NRG2: variants seen among roughly 807,000 people sequenced by gnomAD.
NRG2 encodes the protein pro-neuregulin-2, membrane-bound isoform.
In NRG2, 27 loss-of-function variants were observed where a neutral mutation model predicts 73.9. That is an observed-to-expected ratio of 0.37 (90% CI 0.27 to 0.50). The LOEUF (loss-of-function observed/expected upper bound fraction) is 0.50. Ranked by LOEUF, NRG2 falls within the 20% of genes least tolerant of loss-of-function variation. The probability of loss-of-function intolerance (pLI) is 0.96; values close to 1 mark genes in which losing one functional copy is unlikely to be tolerated. For synonymous variants in NRG2, 532 were observed against 541.0 expected (o/e 0.98, Z 0.23); for missense variants, 1,126 against 1,210.1 (o/e 0.93, Z 1.03).
intron 5 of NRG2, among the ~76,000 whole-genome samples, chr5:139,859,478 A>G (rs1762004188): frequency 6.6e-6 from 1 of 151,996 alleles, no homozygotes; most frequent in Non-Finnish European, 1.5e-5. Context: ...TCTCTGCACA[A>G]CTCTCCAAAC....
intron 1 of NRG2, among the ~76,000 whole-genome samples, chr5:139,974,595 ATTTACCAATAG>A (rs1756235868): frequency 6.6e-6 from 1 of 151,968 alleles, no homozygotes; most frequent in Admixed American, 6.5e-5. Context: ...AAAAAATATA[ATTTACCAATAG>A]TTTTTTTTCT....
intron 1 of NRG2, among the ~76,000 whole-genome samples, chr5:139,981,182 A>T (rs1024375734): frequency 6.6e-6 from 1 of 152,208 alleles, no homozygotes; most frequent in Non-Finnish European, 1.5e-5. Context: ...TGCTGAGTGC[A>T]GAGCGATTGC....
At chr5:139,964,577 A>ACATTGT (rs1755342174) in intron 1 of NRG2, among the ~76,000 whole-genome samples, 2 of 152,190 alleles carry the variant, frequency 1.3e-5, no homozygotes, top group Non-Finnish European at 2.9e-5. Context: ...CTAGGCACAA[A>ACATTGT]CATTGTCACA....
In NRG2 at chr5:139,848,136, G is replaced by T. The variant is rs1761116277; in HGVS notation, c.2334C>A (p.Asp778Glu). Reference sequence around the variant, plus strand: ...CCCCGTCCGCGTCGTCCGCGTCGTCGTCCGACGCCGAGGCTGAGCCGCCGC... The same window carrying T: ...CCCCGTCCGCGTCGTCCGCGTCGTCTTCCGACGCCGAGGCTGAGCCGCCGC... ...GSGGGSASASDDDADDADGAL... is the reference protein window; with the variant it reads ...GSGGGSASASEDDADDADGAL... The change falls in exon 10 of 10, where the codon GAC (aspartate) becomes GAA (glutamate). Residue 778 changes from aspartate (D) to glutamate (E), a missense_variant. Physicochemically the swap from Asp to Glu is conservative, Grantham distance 45. Coordinates refer to ENST00000361474, the MANE Select transcript of NRG2 (RefSeq NM_004883.3). 1 of 1,467,358 alleles carries T rather than the reference G, an allele frequency of 6.8e-7. No individual in the cohort carries two copies. The highest frequency in any genetic ancestry group is 1.5e-5 in the African/African-American group (1 of 68,042). The allele number at this position is 1,467,358 out of a possible 1,614,324, so 90.9% of individuals were successfully genotyped here.
At chr5:139,931,171 A>G (rs1306215199) in intron 1 of NRG2, among the ~76,000 whole-genome samples, 2 of 152,250 alleles carry the variant, frequency 1.3e-5, no homozygotes, top group Admixed American at 1.3e-4. Context: ...GGTAGTATAA[A>G]GTGCTCAGGC....
chr5:139,880,790 T>TG (rs1407896086), intron 3 of NRG2, 66 bp downstream of exon 3: 14 of 1,235,126 alleles, frequency 1.1e-5, no homozygotes, highest in African/African-American at 3.0e-5. Flanking sequence ...CCCCAAGGGC[T>TG]GGGGGGCCAC....
chr5:139,853,073 C>A lies in NRG2; in HGVS notation c.1293-46G>T. The A allele has an allele frequency of 6.2e-7, 1 of 1,609,030 alleles. No individual in the cohort carries two copies. The highest frequency in any genetic ancestry group is 1.1e-5 in the South Asian group (1 of 90,274). The stretch of plus-strand genomic sequence containing the variant: ...TGAGGCTGGCATTCCCCCCACTCGC[C>A]AACGATGAACTTCCCTAGCTATCTC... On this transcript the variant is annotated intron_variant, in intron 6 of 9. Coordinates refer to ENST00000361474, the MANE Select transcript of NRG2 (RefSeq NM_004883.3). The surrounding 1 kb of genome is among the most constrained non-coding windows in gnomAD (Gnocchi z 4.1).
chr5:139,865,009 A>G lies in NRG2; in HGVS notation c.1189+540T>C, dbSNP rs1227654059. 2 of 960,962 alleles carry G rather than the reference A, an allele frequency of 2.1e-6. No individual in the cohort carries two copies. Among genetic ancestry groups the G allele is most frequent in the Non-Finnish European group, 3.4e-6 (2 of 587,058 alleles). The allele number at this position is 960,962 out of a possible 1,614,324, so 59.5% of individuals were successfully genotyped here. On this transcript the variant is annotated intron_variant, in intron 5 of 9. Transcript: ENST00000361474. The surrounding 1 kb of genome is among the most constrained non-coding windows in gnomAD (Gnocchi z 5.2). ...TTCCGTCTCCTCTAAGGAGCGCAGG[A>G]CACCCTCTACATCTCCCCCTAGTCT...
At chr5:140,026,897 T>C (rs181504606) in intron 1 of NRG2, among the ~76,000 whole-genome samples, 19 of 152,282 alleles carry the variant, frequency 1.2e-4, no homozygotes, top group African/African-American at 4.6e-4. Flanking sequence ...AATTTTTGAA[T>C]TATATCTTTT....
intron 1 of NRG2, among the ~76,000 whole-genome samples, chr5:139,953,476 A>G (rs1158539184): frequency 2.0e-5 from 3 of 152,012 alleles, no homozygotes; most frequent in South Asian, 4.2e-4. Context: ...ACTGCACTCC[A>G]TCCTCCAACC....
chr5:140,025,078 A>G (rs1340015272), intron 1 of NRG2, among the ~76,000 whole-genome samples: 1 of 152,196 alleles, frequency 6.6e-6, no homozygotes. Context: ...GCTGATTTCC[A>G]GGAAGGACTT....
intron 1 of NRG2, among the ~76,000 whole-genome samples, chr5:139,948,290 T>A (rs145590490): frequency 6.6e-6 from 1 of 152,228 alleles, no homozygotes; most frequent in Non-Finnish European, 1.5e-5. Context: ...ACCAGTCTCA[T>A]TGCACTTGAC....
chr5:139,972,276 G>T (rs1756029450), intron 1 of NRG2, among the ~76,000 whole-genome samples: 1 of 152,124 alleles, frequency 6.6e-6, no homozygotes, highest in Non-Finnish European at 1.5e-5. Flanking sequence ...ATGGTTAAGA[G>T]ACCTAAATGT....
Position 139,887,328 on chromosome 5 carries a change from G to T in NRG2, c.872+12C>A. Reference sequence around the variant, plus strand: ...AGCTGCTTGGATGGAGGACAGGCTGGATATTGCTTACCTGCCGTTGCCATA... The same window carrying T: ...AGCTGCTTGGATGGAGGACAGGCTGTATATTGCTTACCTGCCGTTGCCATA... On this transcript the variant is annotated intron_variant, in intron 2 of 9. Transcript: ENST00000361474. The surrounding 1 kb of genome is among the most constrained non-coding windows in gnomAD (Gnocchi z 4.5). 1 of 1,613,872 alleles carries T rather than the reference G, an allele frequency of 6.2e-7. No homozygotes were observed. Among genetic ancestry groups the T allele is most frequent in the South Asian group, 1.1e-5 (1 of 91,060 alleles).
intron 2 of NRG2, among the ~76,000 whole-genome samples, chr5:139,885,552 G>T (rs527498241): frequency 1.1e-4 from 16 of 152,320 alleles, no homozygotes; most frequent in Non-Finnish European, 2.2e-4. Context: ...GGTGGAGGGC[G>T]GAAGTGAGAT....
intron 1 of NRG2, among the ~76,000 whole-genome samples, chr5:139,989,703 G>A (rs1434827480): frequency 6.6e-6 from 1 of 151,370 alleles, no homozygotes; most frequent in Non-Finnish European, 1.5e-5. Context: ...CTGTAGTTAT[G>A]GATTTAGTTT....
In NRG2 at chr5:140,043,131, A is replaced by T. The variant is rs1003014342; in HGVS notation, c.-62T>A. On this transcript the variant is annotated 5_prime_UTR_variant, in exon 1 of 10. Transcript: ENST00000361474. This position sits in a 1 kb window ranked among gnomAD's most constrained non-coding sequence, Gnocchi z 6.7. ...GCCGCCGCCTTGGGAGGGGAAACAGAGCCCGCTGGAAAACCGGAAACAGCG... is the reference window on the plus strand; with the variant it reads ...GCCGCCGCCTTGGGAGGGGAAACAGTGCCCGCTGGAAAACCGGAAACAGCG... The T allele has an allele frequency of 1.9e-6, 3 of 1,543,426 alleles. No homozygotes were observed. In the African/African-American group the frequency reaches 4.2e-5, roughly 21 times the overall value.
chr5:139,955,943 G>A (rs563701095), intron 1 of NRG2, among the ~76,000 whole-genome samples: 3 of 152,096 alleles, frequency 2.0e-5, no homozygotes, highest in Admixed American at 6.5e-5. Flanking sequence ...GGTGAGCATC[G>A]GGCCATCTGT....
intron 1 of NRG2, among the ~76,000 whole-genome samples, chr5:140,033,783 T>TG (rs1259294077): frequency 6.6e-6 from 1 of 152,236 alleles, no homozygotes; most frequent in Non-Finnish European, 1.5e-5. Flanking sequence ...CTGCTCACAT[T>TG]GGTTAATAAT....
Sources: allele counts gnomAD v4.1 joint callset (sites outside exome capture counted in the v4.1 genomes callset), GRCh38; gene constraint gnomAD v4.1.1; non-coding constraint Gnocchi (gnomAD v3.1); transcripts MANE v1.5; gene names NCBI Gene and HGNC (gene_info 2026-07-23, HGNC 2026-07-21).